The following MTOR variants were observed in gnomAD, a reference collection of about 807,000 sequenced individuals.
MTOR encodes serine/threonine-protein kinase mTOR.
Under a neutral mutation model 319.8 loss-of-function variants are expected in MTOR, and 70 were observed. The ratio of observed to expected loss-of-function variants is 0.22; its 90% CI spans 0.18 to 0.27. The LOEUF is 0.27. Ranked by LOEUF, MTOR falls within the 10% of genes least tolerant of loss-of-function variation. The pLI, the probability that MTOR is intolerant of heterozygous loss-of-function variation, is 1.00. For synonymous variants in MTOR, 1,183 were observed against 1,211.4 expected (o/e 0.98, Z 0.49); for missense variants, 1,890 against 3,274.4 (o/e 0.58, Z 10.32).
rs1188671289 is a variant in MTOR at position 11,230,916 on chromosome 1, C to G, written c.2779+9G>C. 1 of 1,613,530 alleles carries G rather than the reference C, an allele frequency of 6.2e-7. No individual in the cohort carries two copies. Among genetic ancestry groups the G allele is most frequent in the Non-Finnish European group, 8.5e-7 (1 of 1,179,974 alleles). On this transcript the variant is annotated intron_variant, in intron 18 of 57. Coordinates refer to ENST00000361445, the MANE Select transcript of MTOR (RefSeq NM_004958.4). ...CTTGGCAAGTCTTTCATGGCTACCC[C>G]CAACTTACAGGAATCCTGACTTGAC...
chr1:11,224,187 A>G (rs1646756771), intron 19 of MTOR, among the ~76,000 whole-genome samples: 2 of 152,136 alleles, frequency 1.3e-5, no homozygotes, highest in South Asian at 4.1e-4. Context: ...TAATCTAGCT[A>G]TATTTACAAG....
intron 28 of MTOR, chr1:11,193,890 A>C: frequency 9.0e-7 from 1 of 1,108,582 alleles, no homozygotes; most frequent in Admixed American, 2.6e-5. Context: ...ATTCATTGTG[A>C]TGGTTTTCCT....
chr1:11,116,936 C>T, intron 50 of MTOR, 68 bp downstream of exon 50: 1 of 1,222,204 alleles, frequency 8.2e-7, no homozygotes, highest in Non-Finnish European at 1.2e-6. Context: ...ATTGGAAAAC[C>T]AAATGAAACC....
chr1:11,164,176 C>T (rs1421531076), intron 29 of MTOR, among the ~76,000 whole-genome samples: 2 of 151,696 alleles, frequency 1.3e-5, no homozygotes, highest in Non-Finnish European at 2.9e-5. Context: ...AACCCCATCT[C>T]TATAAAAAAT....
chr1:11,194,803 T>A, intron 28 of MTOR: 1 of 1,606,730 alleles, frequency 6.2e-7, no homozygotes, highest in Non-Finnish European at 8.5e-7. Flanking sequence ...TTACCTGATG[T>A]CTGGTCTATC....
intron 19 of MTOR, among the ~76,000 whole-genome samples, chr1:11,222,916 C>A (rs945795852): frequency 2.6e-5 from 4 of 152,010 alleles, no homozygotes; most frequent in Admixed American, 1.3e-4. Flanking sequence ...TGACAATATC[C>A]GAACCCACTG....
Position 11,237,944 on chromosome 1 carries a change from G to C in MTOR, c.2107C>G (p.Gln703Glu). 1 of 1,614,160 alleles carries C rather than the reference G, an allele frequency of 6.2e-7. No individual in the cohort carries two copies. Among genetic ancestry groups the C allele is most frequent in the Non-Finnish European group, 8.5e-7 (1 of 1,180,044 alleles). ...LQALFVALNDQVFEIRELAIC... is the reference protein window; with the variant it reads ...LQALFVALNDEVFEIRELAIC... Reference sequence around the variant, plus strand: ...GCCAGCTCCCGGATCTCAAACACCTGGTCATTCAGAGCCACAAACAAGGCC... The same window carrying C: ...GCCAGCTCCCGGATCTCAAACACCTCGTCATTCAGAGCCACAAACAAGGCC... Residue 703 changes from glutamine (Q) to glutamate (E), a missense_variant, in exon 13 of 58, where the codon CAG becomes GAG. By Grantham distance (29) the Gln-to-Glu change is conservative (BLOSUM62 2). This residue lies in a region of MTOR where 377 missense variants were observed against 653.9 expected (regional missense o/e 0.58). Coordinates refer to ENST00000361445, the MANE Select transcript of MTOR (RefSeq NM_004958.4).
At chr1:11,239,902 CAAAA>C (rs36052220) in intron 11 of MTOR, among the ~76,000 whole-genome samples, 6 of 121,930 alleles carry the variant, frequency 4.9e-5, no homozygotes, top group Admixed American at 7.8e-5. Context: ...GACTTTGTCT[CAAAA>C]AAAAAAAAAA....
Position 11,258,529 on chromosome 1 carries a change from GA to G in MTOR, c.226del (p.Ser76ProfsTer15). 1 of 1,614,146 alleles carries G rather than the reference GA, an allele frequency of 6.2e-7. No homozygotes were observed. Among genetic ancestry groups the G allele is most frequent in the Non-Finnish European group, 8.5e-7 (1 of 1,180,042 alleles). On this transcript the variant is annotated frameshift_variant, in exon 3 of 58. Coordinates refer to ENST00000361445, the MANE Select transcript of MTOR (RefSeq NM_004958.4). LOFTEE classifies it high-confidence loss of function. Reference protein sequence around the residue: ...QLNHHIFELVSSSDANERKGG... With the variant: ...QLNHHIFELVXSSDANERKGG... The stretch of plus-strand genomic sequence containing the variant: ...TTTCCTCTCATTGGCATCTGAGCTG[GA>G]AACCAATTCAAAAATGTGATGGTTC...
rs56364294 is a variant in MTOR at position 11,238,550 on chromosome 1, G to T, written c.1854C>A (p.Ile618=). Residue 618 remains isoleucine, a synonymous_variant, in exon 12 of 58, where the codon ATC becomes ATA. Transcript: ENST00000361445. ...AGCAGGTGCGGGCAGCCTCCATGCG[G>T]ATCTCCTTGTGCTCACTGTTCAGGA... ...DHFLNSEHKE[I]RMEAARTCSR... is the part of the protein sequence containing the mutation. The T allele has an allele frequency of 1.4e-4, 224 of 1,614,234 alleles. No individual in the cohort carries two copies. The highest frequency in any genetic ancestry group is 2.7e-4 in the South Asian group (25 of 91,086).
intron 36 of MTOR, among the ~76,000 whole-genome samples, chr1:11,136,995 C>T (rs1224114192): frequency 2.0e-5 from 3 of 151,556 alleles, no homozygotes; most frequent in African/African-American, 4.9e-5. Context: ...GTATGCATCA[C>T]CACACCCGGC....
In MTOR at chr1:11,247,915, T is replaced by C. The variant is rs1557482823; in HGVS notation, c.1020A>G (p.Gln340=). The C allele has an allele frequency of 6.2e-7, 1 of 1,614,116 alleles. No homozygotes were observed. Among genetic ancestry groups the C allele is most frequent in the Admixed American group, 1.7e-5 (1 of 60,022 alleles). The part of the protein sequence containing the change: ...LVGLLGYSSH[Q]GLMGFGTSPS... ...GGGAGGTCCCAAATCCCATGAGGCC[T>C]TGGTGAGAGCTGTACCCCAGCAGCC... The change falls in exon 7 of 58, where the codon CAA becomes CAG. Residue 340 remains glutamine, a synonymous_variant. Coordinates refer to ENST00000361445, the MANE Select transcript of MTOR (RefSeq NM_004958.4).
chr1:11,127,052 G>C lies in MTOR; in HGVS notation c.6309C>G (p.Leu2103=), dbSNP rs1373642778. The part of the protein sequence containing the change: ...NVKDLTQAWD[L]YYHVFRRISK... ...AGATTCGTCGGAACACATGATAATA[G>C]AGGTCCCAGGCTTGGGTGAGGTCCT... The change falls in exon 45 of 58, where the codon CTC becomes CTG. Residue 2103 remains leucine (L), a synonymous_variant. Transcript: ENST00000361445. The surrounding 1 kb of genome is among the most constrained non-coding windows in gnomAD (Gnocchi z 5.5). 8.7e-6 allele frequency: 14 copies of C among 1,614,076 alleles called. No homozygotes were observed. Among genetic ancestry groups the C allele is most frequent in the Non-Finnish European group, 1.2e-5 (14 of 1,180,044 alleles).
rs551370405 is a variant in MTOR, at chr1:11,159,803, T to C, written c.4330-2512A>G. On this transcript the variant is annotated intron_variant, in intron 29 of 57. Transcript: ENST00000361445. ...TCACTTTAACATCCTGGGCTCCTGA[T>C]CAAGGCAAACCACAGTAAGCAACCT... Among the ~76,000 whole-genome samples, 65 of 152,312 alleles carry C rather than the reference T, an allele frequency of 4.3e-4. 2 individuals are homozygous for C. In the South Asian group the frequency reaches 6.6e-3, roughly 16 times the overall value.
At chr1:11,227,056 G>C (rs909947330) in intron 19 of MTOR, among the ~76,000 whole-genome samples, 3 of 151,150 alleles carry the variant, frequency 2.0e-5, no homozygotes, top group African/African-American at 7.3e-5. Flanking sequence ...CCAGCACTTT[G>C]GGAGGCTGAG....
At chr1:11,247,054 T>C (rs1365847614) in intron 8 of MTOR, among the ~76,000 whole-genome samples, 1 of 152,126 alleles carries the variant, frequency 6.6e-6, no homozygotes, top group Non-Finnish European at 1.5e-5. Context: ...CAAAACCTCA[T>C]GGTTAAGGGC....
At chr1:11,166,073 C>T (rs1571045309) in intron 29 of MTOR, among the ~76,000 whole-genome samples, 2 of 152,208 alleles carry the variant, frequency 1.3e-5, no homozygotes, top group African/African-American at 2.4e-5. Context: ...CCCTTCCTTA[C>T]ATCTTATACA....
At chr1:11,175,014 T>C (rs1467883929) in intron 28 of MTOR, among the ~76,000 whole-genome samples, 3 of 152,190 alleles carry the variant, frequency 2.0e-5, no homozygotes, top group Non-Finnish European at 4.4e-5. Flanking sequence ...CAATCAGATT[T>C]CCCATCTCCT....
chr1:11,119,573 G>GGAAA (rs1553172104), intron 49 of MTOR, among the ~76,000 whole-genome samples: 521 of 24,872 alleles, frequency 0.021, 23 homozygotes, highest in South Asian at 0.15. Context: ...TCCGTCTCGA[G>GGAAA]AAAAAAAAAA....
Sources: allele counts gnomAD v4.1 joint callset (sites outside exome capture counted in the v4.1 genomes callset), GRCh38; gene constraint gnomAD v4.1.1; regional missense constraint gnomAD v4.1.1; non-coding constraint Gnocchi (gnomAD v3.1); transcripts MANE v1.5; gene names NCBI Gene and HGNC (gene_info 2026-07-23, HGNC 2026-07-21).